The following NOL4 variants were observed in gnomAD, a reference collection of about 807,000 sequenced individuals.
The protein encoded by NOL4 is cancer/testis antigen 125.
A neutral mutation model predicts 75.9 loss-of-function variants in NOL4; 17 were observed. That is an observed-to-expected ratio of 0.22 (90% CI 0.15 to 0.34). The LOEUF is 0.34. Ranked by LOEUF, NOL4 falls within the 10% of genes least tolerant of loss-of-function variation. The probability of loss-of-function intolerance (pLI) is 1.00; values close to 1 mark genes in which losing one functional copy is unlikely to be tolerated. For synonymous variants in NOL4, 292 were observed against 289.9 expected, an observed-to-expected ratio of 1.01 and a Z score of -0.07; for missense variants, 614 against 793.5, an observed-to-expected ratio of 0.77 and a Z score of 2.72.
At chr18:33,886,404 T>C (rs2064657491) in intron 9 of NOL4, among the ~76,000 whole-genome samples, 1 of 151,592 alleles carries the variant, frequency 6.6e-6, no homozygotes, top group South Asian at 2.1e-4. Context: ...GGTGGGCCCC[T>C]GTAATCCCAG....
chr18:34,106,975 T>C (rs1206126105), intron 2 of NOL4, among the ~76,000 whole-genome samples: 1 of 152,160 alleles, frequency 6.6e-6, no homozygotes, highest in African/African-American at 2.4e-5. Flanking sequence ...AAAGGCTCCA[T>C]TGGTTTTTCT....
chr18:33,979,660 C>T (rs1277479197), intron 6 of NOL4, among the ~76,000 whole-genome samples: 1 of 151,474 alleles, frequency 6.6e-6, no homozygotes, highest in Non-Finnish European at 1.5e-5. Flanking sequence ...TGAAATACTC[C>T]AAAAGCATCC....
At chr18:34,213,237 G>T (rs1478603058) in intron 1 of NOL4, among the ~76,000 whole-genome samples, 1 of 152,140 alleles carries the variant, frequency 6.6e-6, no homozygotes, top group African/African-American at 2.4e-5. Context: ...TTGAGAAGTG[G>T]AACCTTCAAG....
At chr18:33,881,921 C>A (rs1242016617) in intron 10 of NOL4, among the ~76,000 whole-genome samples, 1 of 152,190 alleles carries the variant, frequency 6.6e-6, no homozygotes, top group Non-Finnish European at 1.5e-5. Flanking sequence ...ACTATCTGAT[C>A]TTTGACAAAC....
chr18:34,108,055 C>G (rs2079395787), intron 2 of NOL4, among the ~76,000 whole-genome samples: 1 of 152,166 alleles, frequency 6.6e-6, no homozygotes, highest in Admixed American at 6.6e-5. Flanking sequence ...TTCAGCTTCA[C>G]TTTGGACCCT....
At chr18:33,861,527 T>C (rs934578236) in intron 10 of NOL4, among the ~76,000 whole-genome samples, 43 of 152,244 alleles carry the variant, frequency 2.8e-4, no homozygotes, top group Admixed American at 1.0e-3. Flanking sequence ...TTCTCTCTTT[T>C]TTTCTTTATT....
intron 10 of NOL4, among the ~76,000 whole-genome samples, chr18:33,878,808 C>T (rs372271375): frequency 2.1e-4 from 32 of 152,154 alleles, no homozygotes; most frequent in South Asian, 1.2e-3. Context: ...TACAAGACTA[C>T]GGAGTTTTTG....
chr18:33,958,808 A>C (rs1600056643), intron 6 of NOL4, among the ~76,000 whole-genome samples: 1 of 152,226 alleles, frequency 6.6e-6, no homozygotes, highest in East Asian at 1.9e-4. Flanking sequence ...ACCTCAGAGC[A>C]TTGTCAATAT....
intron 9 of NOL4, among the ~76,000 whole-genome samples, chr18:33,917,327 T>C (rs1362875228): frequency 6.6e-6 from 1 of 152,022 alleles, no homozygotes; most frequent in Non-Finnish European, 1.5e-5. Context: ...TATCCTGCTG[T>C]GTTTGGATGG....
At chr18:33,962,006 G>C (rs144932637) in intron 6 of NOL4, among the ~76,000 whole-genome samples, 1 of 151,944 alleles carries the variant, frequency 6.6e-6, no homozygotes, top group Non-Finnish European at 1.5e-5. Flanking sequence ...ATGGCCCCTC[G>C]CTCTACCAGG....
At chr18:34,039,069 T>C (rs2076031685) in intron 5 of NOL4, among the ~76,000 whole-genome samples, 1 of 151,944 alleles carries the variant, frequency 6.6e-6, no homozygotes, top group African/African-American at 2.4e-5. Flanking sequence ...ATATAAACAA[T>C]ATAGACATCA....
chr18:33,975,731 C>T (rs543724836), intron 6 of NOL4, among the ~76,000 whole-genome samples: 113 of 152,226 alleles, frequency 7.4e-4, no homozygotes, highest in Non-Finnish European at 1.0e-3. Flanking sequence ...GCCGAGTTGG[C>T]GCCACTGCAC....
intron 6 of NOL4, among the ~76,000 whole-genome samples, chr18:33,993,541 A>G (rs567128931): frequency 6.6e-6 from 1 of 151,912 alleles, no homozygotes. Context: ...GTTTCCCACA[A>G]CAACAACAAC....
intron 2 of NOL4, among the ~76,000 whole-genome samples, chr18:34,109,007 C>T (rs887900942): frequency 3.3e-5 from 5 of 152,006 alleles, no homozygotes; most frequent in African/African-American, 1.2e-4. Context: ...TTAGAGCACA[C>T]TGGTATGAAA....
chr18:34,216,560 ATAATT>A (rs2036902509), intron 1 of NOL4, among the ~76,000 whole-genome samples: 1 of 151,136 alleles, frequency 6.6e-6, no homozygotes, highest in Non-Finnish European at 1.5e-5. Flanking sequence ...ATGAAATTAC[ATAATT>A]TAACATTAAT....
intron 4 of NOL4, among the ~76,000 whole-genome samples, chr18:34,098,591 T>C (rs2078897921): frequency 6.6e-6 from 1 of 152,176 alleles, no homozygotes; most frequent in African/African-American, 2.4e-5. Context: ...TAATAAATCA[T>C]TTTTGTATTA....
intron 5 of NOL4, among the ~76,000 whole-genome samples, chr18:34,076,079 CT>C (rs2077731386): frequency 6.6e-6 from 1 of 152,048 alleles, no homozygotes; most frequent in African/African-American, 2.4e-5. Flanking sequence ...ATGAGAGACA[CT>C]TTAATAGAGG....
chr18:33,961,649 A>G (rs999154319), intron 6 of NOL4, among the ~76,000 whole-genome samples: 1 of 152,184 alleles, frequency 6.6e-6, no homozygotes, highest in South Asian at 2.1e-4. Flanking sequence ...CACATTATCA[A>G]TGACTTCATT....
At chr18:33,916,516 C>G (rs938147301) in intron 9 of NOL4, among the ~76,000 whole-genome samples, 1 of 152,008 alleles carries the variant, frequency 6.6e-6, no homozygotes, top group Non-Finnish European at 1.5e-5. Context: ...CAACTCTTAC[C>G]CACTCAGTGA....
Sources: allele counts gnomAD v4.1 joint callset (sites outside exome capture counted in the v4.1 genomes callset), GRCh38; gene constraint gnomAD v4.1.1; transcripts MANE v1.5; gene names NCBI Gene and HGNC (gene_info 2026-07-23, HGNC 2026-07-21).